Variants in CCDC178 observed in about 807,000 individuals in gnomAD.
CCDC178 encodes the protein coiled-coil domain-containing protein 178.
In CCDC178, 126 loss-of-function variants were observed where a neutral mutation model predicts 117.4. That is an observed-to-expected ratio of 1.07 (90% confidence interval 0.93 to 1.24). The LOEUF (loss-of-function observed/expected upper bound fraction) is 1.24. Ranked by LOEUF, CCDC178 falls within the 50% of genes most tolerant of loss-of-function variation. The pLI is 0.00. For missense variants in CCDC178, 1,030 were observed against 986.9 expected, an observed-to-expected ratio of 1.04 and a Z score of -0.59; for synonymous variants, 283 against 313.4, an observed-to-expected ratio of 0.90 and a Z score of 1.02.
intron 12 of CCDC178, among the ~76,000 whole-genome samples, chr18:33,277,851 G>T (rs756806934): frequency 2.0e-5 from 3 of 151,996 alleles, no homozygotes; most frequent in Non-Finnish European, 2.9e-5. Flanking sequence ...CAATCTAACG[G>T]CACTGATTAT....
chr18:32,938,636 G>C (rs1005417922), intron 22 of CCDC178, among the ~76,000 whole-genome samples: 1 of 151,766 alleles, frequency 6.6e-6, no homozygotes, highest in Non-Finnish European at 1.5e-5. Context: ...CATACAGAAG[G>C]GTACTTAATA....
intron 2 of CCDC178, among the ~76,000 whole-genome samples, chr18:33,424,313 G>A (rs547201849): frequency 5.9e-5 from 9 of 152,208 alleles, no homozygotes; most frequent in African/African-American, 1.2e-4. Flanking sequence ...GAAAAATAAC[G>A]ACTTGCTTTT....
At chr18:33,102,476 C>T (rs1218137929) in intron 20 of CCDC178, among the ~76,000 whole-genome samples, 1 of 149,070 alleles carries the variant, frequency 6.7e-6, no homozygotes, top group Non-Finnish European at 1.5e-5. Flanking sequence ...GATTCAGGGT[C>T]AGAAAACATT....
At chr18:33,119,371 G>A (rs184131528) in intron 20 of CCDC178, among the ~76,000 whole-genome samples, 17 of 152,196 alleles carry the variant, frequency 1.1e-4, no homozygotes, top group East Asian at 7.7e-4. Context: ...AAAAGTGGGC[G>A]AAGGATATGA....
At chr18:33,118,119 C>T (rs554295003) in intron 20 of CCDC178, among the ~76,000 whole-genome samples, 6 of 152,108 alleles carry the variant, frequency 3.9e-5, no homozygotes, top group African/African-American at 1.4e-4. Flanking sequence ...ATTGATAGGC[C>T]AATGCTCATG....
chr18:33,333,643 G>A (rs966354834), intron 9 of CCDC178, among the ~76,000 whole-genome samples: 2 of 151,026 alleles, frequency 1.3e-5, no homozygotes, highest in Non-Finnish European at 2.9e-5. Context: ...CTCCCAAGCA[G>A]TTGGGATTAC....
chr18:33,005,868 A>T (rs1255811317), intron 21 of CCDC178, among the ~76,000 whole-genome samples: 2 of 152,120 alleles, frequency 1.3e-5, no homozygotes, highest in Non-Finnish European at 2.9e-5. Flanking sequence ...AACCTGAAAT[A>T]AGTAGAACTG....
intron 20 of CCDC178, among the ~76,000 whole-genome samples, chr18:33,206,757 C>G (rs781211401): frequency 2.0e-5 from 3 of 152,120 alleles, no homozygotes; most frequent in African/African-American, 7.2e-5. Context: ...CATGAATTCA[C>G]CATACACTTC....
At chr18:33,238,938 A>G (rs2059455508) in intron 15 of CCDC178, among the ~76,000 whole-genome samples, 1 of 152,162 alleles carries the variant, frequency 6.6e-6, no homozygotes, top group South Asian at 2.1e-4. Context: ...TTGCCAGGAG[A>G]AATCTTTCAA....
chr18:33,328,755 T>A (rs2062623545), intron 10 of CCDC178, among the ~76,000 whole-genome samples: 1 of 152,212 alleles, frequency 6.6e-6, no homozygotes, highest in South Asian at 2.1e-4. Flanking sequence ...CAATGTGGTC[T>A]TCTTTAACAA....
intron 11 of CCDC178, among the ~76,000 whole-genome samples, chr18:33,314,159 C>T (rs2062383801): frequency 7.2e-6 from 1 of 138,074 alleles, no homozygotes; most frequent in African/African-American, 2.7e-5. Context: ...CGAGATCCCG[C>T]CACTGCACTC....
At chr18:33,091,543 G>A (rs904230401) in intron 21 of CCDC178, among the ~76,000 whole-genome samples, 1 of 151,558 alleles carries the variant, frequency 6.6e-6, no homozygotes, top group African/African-American at 2.4e-5. Context: ...CACCATGTTG[G>A]CCAGGCTGGT....
intron 2 of CCDC178, among the ~76,000 whole-genome samples, chr18:33,419,960 A>C (rs933014206): frequency 6.6e-6 from 1 of 152,152 alleles, no homozygotes; most frequent in African/African-American, 2.4e-5. Context: ...ACCCCAAAAA[A>C]ATAAAGTATT....
intron 20 of CCDC178, among the ~76,000 whole-genome samples, chr18:33,191,807 T>C (rs2058861493): frequency 1.3e-5 from 2 of 152,118 alleles, no homozygotes; most frequent in African/African-American, 2.4e-5. Flanking sequence ...ACAAATTCCA[T>C]GGTCAGGACA....
intron 20 of CCDC178, among the ~76,000 whole-genome samples, chr18:33,139,430 T>C (rs960397716): frequency 1.3e-5 from 2 of 152,168 alleles, no homozygotes; most frequent in Non-Finnish European, 2.9e-5. Context: ...TAGAGACTTG[T>C]TGAATGGCTT....
chr18:33,318,403 G>T (rs1042147315), intron 11 of CCDC178, among the ~76,000 whole-genome samples: 1 of 152,180 alleles, frequency 6.6e-6, no homozygotes, highest in Non-Finnish European at 1.5e-5. Flanking sequence ...GTTGGTGGTT[G>T]CCAAGGTGCA....
intron 6 of CCDC178, 79 bp downstream of exon 6, chr18:33,369,971 C>T: frequency 8.3e-7 from 1 of 1,198,440 alleles, no homozygotes; most frequent in Non-Finnish European, 1.1e-6. Flanking sequence ...TCCAGAGTTT[C>T]CTGGGTTCTT....
intron 2 of CCDC178, among the ~76,000 whole-genome samples, chr18:33,436,635 C>T (rs1568226427): frequency 6.6e-6 from 1 of 152,196 alleles, no homozygotes; most frequent in South Asian, 2.1e-4. Flanking sequence ...GTTTTGTAAC[C>T]ATGGGTCCAT....
chr18:33,074,775 T>C (rs1363028266), intron 21 of CCDC178, among the ~76,000 whole-genome samples: 6 of 152,154 alleles, frequency 3.9e-5, no homozygotes, highest in South Asian at 2.1e-4. Flanking sequence ...ATGGAGGCAA[T>C]TGACAAATGG....
Sources: gnomAD v4.1 joint callset for allele counts (sites outside exome capture counted in the v4.1 genomes callset) on GRCh38, gnomAD v4.1.1 for gene constraint, MANE v1.5 for transcripts, NCBI Gene and HGNC (gene_info 2026-07-23, HGNC 2026-07-21) for gene names.